The following THBS4 variants were observed in gnomAD, a reference collection of about 807,000 sequenced individuals.
THBS4 encodes thrombospondin-4.
In THBS4, 90 loss-of-function variants were observed where a neutral mutation model predicts 115.7. The observed-to-expected ratio is 0.78, with a 90% confidence interval of 0.66 to 0.93. The LOEUF is 0.93. Among genes scored for constraint, THBS4 ranks in the 40% least tolerant of loss-of-function variants. The pLI, the probability that THBS4 is intolerant of heterozygous loss-of-function variation, is 0.00. For synonymous variants in THBS4, 460 were observed against 479.3 expected (o/e 0.96, Z 0.53); for missense variants, 1,087 against 1,232.7 (o/e 0.88, Z 1.77).
In THBS4 at chr5:80,002,069, A is replaced by G. The variant is rs182094273; in HGVS notation, n.177+3642A>G. Among the ~76,000 whole-genome samples the G allele has an allele frequency of 2.4e-4, 37 of 152,326 alleles. No individual in the cohort carries two copies. The East Asian group carries it at 6.9e-3, about 29-fold the overall frequency. ...ATTTTCAATTTGAACTTTGAGTCCA[A>G]TGATTAGACATTTTCTAGTCCCATA... On this transcript the variant is annotated intron_variant and non_coding_transcript_variant, in intron 2 of 3. Coordinates refer to the THBS4 transcript ENST00000510218.
chr5:80,039,842 G>C (rs1342944523), intron 1 of THBS4, among the ~76,000 whole-genome samples: 2 of 152,310 alleles, frequency 1.3e-5, no homozygotes, highest in East Asian at 3.9e-4. Context: ...CCTCTCTCTT[G>C]AGGGCTACAC....
Position 80,035,561 on chromosome 5 carries a change from CG to C in THBS4, c.25del (p.Val9SerfsTer12). 2 of 1,424,606 alleles carry C rather than the reference CG, an allele frequency of 1.4e-6. No homozygotes were observed. The highest frequency in any genetic ancestry group is 2.6e-5 in the Admixed American group (1 of 38,324). 88.2% of individuals were successfully genotyped at this position (1,424,606 alleles called of 1,614,324 possible). On this transcript the variant is annotated frameshift_variant, in exon 1 of 22. Coordinates refer to ENST00000350881, the MANE Select transcript of THBS4 (RefSeq NM_003248.6). LOFTEE classifies it high-confidence loss of function. The surrounding 1 kb of genome is among the most constrained non-coding windows in gnomAD (Gnocchi z 4.6). ...ACATGCTGGCCCCGCGCGGAGCCGC[CG>C]TCCTCCTGCTGCACCTGGTCCTGCA... MLAPRGAA[V>X]LLLHLVLQRW... is the part of the protein sequence containing the mutation.
chr5:80,058,857 G>A lies in THBS4; in HGVS notation c.732+67G>A, dbSNP rs1833524561. 8 of 1,489,372 alleles carry A rather than the reference G, an allele frequency of 5.4e-6. No individual in the cohort carries two copies. In the Admixed American group the frequency reaches 5.8e-5, roughly 11 times the overall value. 92.3% of individuals were successfully genotyped at this position (1,489,372 alleles called of 1,614,324 possible). On this transcript the variant is annotated intron_variant, in intron 5 of 21. Transcript: ENST00000350881. ...TAGAGCAGCTCCCCACAAGCTAGTG[G>A]AGCTGCAGGCCTGCCCAGGCACGGG...
At chr5:80,022,018 A>G (rs915889321) in intron 2 of THBS4, among the ~76,000 whole-genome samples, 72 of 152,204 alleles carry the variant, frequency 4.7e-4, no homozygotes, top group African/African-American at 1.7e-3. Flanking sequence ...GCTACCCTAC[A>G]CTGAGGGTGC....
chr5:80,044,674 C>T (rs1194349982), intron 2 of THBS4, among the ~76,000 whole-genome samples: 1 of 152,084 alleles, frequency 6.6e-6, no homozygotes, highest in Non-Finnish European at 1.5e-5. Context: ...ATCCTCCTGT[C>T]TCGGCCTCCT....
intron 2 of THBS4, among the ~76,000 whole-genome samples, chr5:80,045,647 C>T (rs565142264): frequency 4.6e-5 from 7 of 151,584 alleles, no homozygotes; most frequent in Non-Finnish European, 7.4e-5. Flanking sequence ...TCTCCTGCCT[C>T]AGCCTCCCAA....
intron 2 of THBS4, among the ~76,000 whole-genome samples, chr5:80,011,174 C>A (rs1832117476): frequency 6.6e-6 from 1 of 152,190 alleles, no homozygotes; most frequent in Non-Finnish European, 1.5e-5. Context: ...CTGCTGCCAT[C>A]CATGTAAGAC....
At chr5:79,993,755 CT>C (rs1831735946) in intron 1 of THBS4, among the ~76,000 whole-genome samples, 1 of 152,134 alleles carries the variant, frequency 6.6e-6, no homozygotes, top group Admixed American at 6.5e-5. Context: ...TTGTTAGGCT[CT>C]TTTTGTCTGG....
chr5:80,032,502 G>A (rs571200947), upstream of THBS4, among the ~76,000 whole-genome samples: 5 of 152,174 alleles, frequency 3.3e-5, no homozygotes, highest in South Asian at 1.0e-3. Context: ...ACAATAGGCC[G>A]TCTGCAAGCT....
intron 10 of THBS4, chr5:80,068,675 C>A (rs1367119064): frequency 6.5e-6 from 1 of 155,000 alleles, no homozygotes; most frequent in Non-Finnish European, 1.4e-5. Flanking sequence ...CAGACGGCGC[C>A]ATGCTGTATG....
chr5:80,052,968 T>G (rs1833300134), intron 2 of THBS4: 2 of 152,216 alleles, frequency 1.3e-5, no homozygotes, highest in Non-Finnish European at 2.9e-5. Flanking sequence ...ACAGTCTGGG[T>G]GTATATGTGT....
chr5:80,029,914 A>G (rs2434313), intron 2 of THBS4, among the ~76,000 whole-genome samples: 36,009 of 151,942 alleles, frequency 0.24, 4,718 homozygotes, highest in African/African-American at 0.35. Context: ...AGGTTGCAGT[A>G]AGCCGAGATC....
intron 20 of THBS4, among the ~76,000 whole-genome samples, chr5:80,081,527 C>A (rs1412966293): frequency 6.6e-6 from 1 of 152,186 alleles, no homozygotes; most frequent in African/African-American, 2.4e-5. Flanking sequence ...TGCCTAGAAT[C>A]ACTACGAAGG....
In THBS4 at chr5:80,059,386, G is replaced by C. The variant is rs1426344478; in HGVS notation, c.733-54G>C. The C allele has an allele frequency of 7.1e-6, 11 of 1,542,914 alleles. 1 individual carries two copies. Among genetic ancestry groups the C allele is most frequent in the Non-Finnish European group, 9.8e-6 (11 of 1,119,042 alleles). ...GCTCCACATGGATTCTTTCATTCCT[G>C]GATGATATCAGGCATTCCTTTTCAA... On this transcript the variant is annotated intron_variant, in intron 5 of 21. Coordinates refer to ENST00000350881, the MANE Select transcript of THBS4 (RefSeq NM_003248.6).
chr5:80,059,787 G>A lies in THBS4; in HGVS notation c.869G>A (p.Cys290Tyr). The change falls in exon 7 of 22, where the codon TGT (cysteine) becomes TAT (tyrosine). Residue 290 changes from cysteine to tyrosine, a missense_variant. Physicochemically the swap from Cys to Tyr is radical, Grantham distance 194. This residue lies in a region of THBS4 where 979 missense variants were observed against 1,103.7 expected (regional missense o/e 0.89). Transcript: ENST00000350881. Reference protein sequence around the residue: ...PAPPTRPPRRCDSNPCFRGVQ... With the variant: ...PAPPTRPPRRYDSNPCFRGVQ... ...CCGCCAACACGCCCACCTCGTCGGT[G>A]TGACTCCAACCCATGTTTCCGAGGT... The A allele has an allele frequency of 1.2e-6, 2 of 1,614,208 alleles. No homozygotes were observed. Among genetic ancestry groups the A allele is most frequent in the African/African-American group, 1.3e-5 (1 of 75,056 alleles).
intron 19 of THBS4, 23 bp downstream of exon 19, chr5:80,079,281 C>A: frequency 6.4e-7 from 1 of 1,572,496 alleles, no homozygotes; most frequent in South Asian, 1.2e-5. Flanking sequence ...TGAAGTCATT[C>A]ATCTCCCTTT....
chr5:80,048,164 G>A (rs1833136443), intron 2 of THBS4, among the ~76,000 whole-genome samples: 1 of 152,236 alleles, frequency 6.6e-6, no homozygotes, highest in East Asian at 1.9e-4. Context: ...TTTGAAAAAT[G>A]TCATTTGGAA....
chr5:80,032,898 A>G (rs1356330561), upstream of THBS4, among the ~76,000 whole-genome samples: 1 of 152,162 alleles, frequency 6.6e-6, no homozygotes, highest in African/African-American at 2.4e-5. Flanking sequence ...CCTTCAATCC[A>G]GTCAAGTTGA....
chr5:80,016,715 T>G (rs2151156697), intron 2 of THBS4, among the ~76,000 whole-genome samples: 1 of 152,324 alleles, frequency 6.6e-6, no homozygotes, highest in African/African-American at 2.4e-5. Context: ...TTTTTGTTTC[T>G]CCTTTTCATA....
Sources: allele counts gnomAD v4.1 joint callset (sites outside exome capture counted in the v4.1 genomes callset), GRCh38; gene constraint gnomAD v4.1.1; regional missense constraint gnomAD v4.1.1; non-coding constraint Gnocchi (gnomAD v3.1); transcripts MANE v1.5; gene names NCBI Gene and HGNC (gene_info 2026-07-23, HGNC 2026-07-21).